Variants in UST observed in about 807,000 individuals in gnomAD.
UST encodes chondroitin sulfate 2-O-sulfotransferase.
UST carries 21 observed loss-of-function variants against 45.6 expected under a neutral mutation model. That is an observed-to-expected ratio of 0.46 (90% CI 0.33 to 0.66). The LOEUF is 0.66. UST is among the 30% of genes least tolerant of loss of function. The pLI, the probability that UST is intolerant of heterozygous loss-of-function variation, is 0.02. For synonymous variants in UST, 215 were observed against 200.6 expected (o/e 1.07, Z -0.61); for missense variants, 463 against 512.4 (o/e 0.90, Z 0.93).
chr6:148,856,490 G>A (rs1026370037), intron 1 of UST, among the ~76,000 whole-genome samples: 2 of 152,202 alleles, frequency 1.3e-5, no homozygotes, highest in South Asian at 2.1e-4. Flanking sequence ...ACAGCCACAG[G>A]TGATAGTGTA....
chr6:148,973,319 A>T (rs1287421072), intron 5 of UST, among the ~76,000 whole-genome samples: 1 of 152,264 alleles, frequency 6.6e-6, no homozygotes, highest in East Asian at 1.9e-4. Context: ...ACAGTAAAAC[A>T]GAATGAGCAC....
intron 1 of UST, among the ~76,000 whole-genome samples, chr6:148,842,663 T>G (rs1264853676): frequency 6.6e-6 from 1 of 152,222 alleles, no homozygotes; most frequent in African/African-American, 2.4e-5. Context: ...ATTTAAACCA[T>G]GTACTGCTTT....
At chr6:148,867,769 A>T (rs1300492854) in intron 1 of UST, among the ~76,000 whole-genome samples, 1 of 152,182 alleles carries the variant, frequency 6.6e-6, no homozygotes, top group African/African-American at 2.4e-5. Context: ...TTTATAAATT[A>T]TCCAGTCTCA....
intron 2 of UST, among the ~76,000 whole-genome samples, chr6:148,923,260 A>G (rs1779750199): frequency 6.6e-6 from 1 of 152,240 alleles, no homozygotes; most frequent in South Asian, 2.1e-4. Context: ...ATATTTCAAT[A>G]CAAGACTTTG....
Position 148,953,963 on chromosome 6 carries a change from T to C in UST, c.527+12T>C. 2 of 1,584,984 alleles carry C rather than the reference T, an allele frequency of 1.3e-6. No homozygotes were observed. Among genetic ancestry groups the C allele is most frequent in the Non-Finnish European group, 1.7e-6 (2 of 1,161,816 alleles). ...CTCAACTTCTCAAGGTAAGACATTT[T>C]CCAGTTTAATGGTTCTTTCATTTTC... On this transcript the variant is annotated intron_variant, in intron 4 of 7. Coordinates refer to ENST00000367463, the MANE Select transcript of UST (RefSeq NM_005715.3).
intron 2 of UST, among the ~76,000 whole-genome samples, chr6:148,893,559 C>G (rs1457013183): frequency 2.0e-5 from 3 of 152,190 alleles, no homozygotes; most frequent in African/African-American, 7.2e-5. Context: ...CTGATAGATT[C>G]TTAAGTCTAA....
At chr6:149,000,696 A>G (rs535143654) in intron 5 of UST, among the ~76,000 whole-genome samples, 93 of 152,354 alleles carry the variant, frequency 6.1e-4, no homozygotes, top group African/African-American at 2.2e-3. Flanking sequence ...TTGAAAAGAC[A>G]AAAGAATGAA....
chr6:148,926,591 C>T (rs187103130), intron 2 of UST, among the ~76,000 whole-genome samples: 58 of 152,262 alleles, frequency 3.8e-4, no homozygotes, highest in Admixed American at 2.0e-3. Flanking sequence ...CAACTCTAGG[C>T]GTGGTGTCTG....
Position 149,058,395 on chromosome 6 carries a change from G to A in UST, c.938-15438G>A, listed in dbSNP as rs183431577. 7.7e-4 allele frequency among the ~76,000 whole-genome samples: 117 copies of A among 151,438 alleles called. 1 individual carries two copies. Among genetic ancestry groups the A allele is most frequent in the African/African-American group, 1.2e-3 (49 of 41,250 alleles). On this transcript the variant is annotated intron_variant, in intron 7 of 7. Transcript: ENST00000367463. The stretch of plus-strand genomic sequence containing the variant: ...TGTGTGTGTGTGTGTGTGTATGTGC[G>A]CGCGCGTGTGTCTGTGTGTAAGAGA...
At chr6:148,867,602 A>T (rs1778469304) in intron 1 of UST, among the ~76,000 whole-genome samples, 1 of 152,074 alleles carries the variant, frequency 6.6e-6, no homozygotes, top group African/African-American at 2.4e-5. Flanking sequence ...GTAGTGAATA[A>T]GTCTCGTGAG....
intron 2 of UST, among the ~76,000 whole-genome samples, chr6:148,908,083 A>G (rs1779401147): frequency 6.6e-6 from 1 of 151,644 alleles, no homozygotes; most frequent in Non-Finnish European, 1.5e-5. Context: ...TAATTTTTGT[A>G]TTTTTAGTAG....
chr6:148,785,008 C>G (rs1562256864), intron 1 of UST, among the ~76,000 whole-genome samples: 1 of 152,098 alleles, frequency 6.6e-6, no homozygotes, highest in African/African-American at 2.4e-5. Context: ...TCAGGAGTTG[C>G]AACCAGTCTG....
intron 1 of UST, among the ~76,000 whole-genome samples, chr6:148,799,605 C>T (rs952212372): frequency 6.6e-6 from 1 of 152,096 alleles, no homozygotes; most frequent in African/African-American, 2.4e-5. Flanking sequence ...CCTTTTTTAT[C>T]TGCACTTAGG....
intron 1 of UST, among the ~76,000 whole-genome samples, chr6:148,831,216 T>C (rs1777682304): frequency 6.6e-6 from 1 of 152,198 alleles, no homozygotes; most frequent in African/African-American, 2.4e-5. Context: ...CGCAGCCACA[T>C]ACCAGCATCT....
intron 1 of UST, among the ~76,000 whole-genome samples, chr6:148,828,419 CA>C (rs1777613613): frequency 6.6e-6 from 1 of 152,040 alleles, no homozygotes; most frequent in Non-Finnish European, 1.5e-5. Context: ...CTAGTTATAG[CA>C]GTATAATATT....
At position 149,009,560 on chromosome 6, in the gene UST, AACAC is replaced by A. The variant is rs113280120; in HGVS notation, c.682-9559_682-9556del. On this transcript the variant is annotated intron_variant, in intron 5 of 7. Coordinates refer to ENST00000367463, the MANE Select transcript of UST (RefSeq NM_005715.3). ...AGCACACAATCTTCTCTGATGTTAA[AACAC>A]ACACACACACACACACACATAGACA... Among the ~76,000 whole-genome samples the A allele has an allele frequency of 2.0e-3, 286 of 143,134 alleles. 1 individual carries two copies. Among genetic ancestry groups the A allele is most frequent in the African/African-American group, 6.7e-3 (267 of 39,890 alleles). The allele number at this position is 143,134 out of a possible 152,430, so 93.9% of individuals were successfully genotyped here. A position where few individuals can be genotyped will look rare whatever the true frequency, so the allele number is the denominator to read the frequency against.
intron 5 of UST, among the ~76,000 whole-genome samples, chr6:148,976,433 C>T (rs1373006123): frequency 6.6e-6 from 1 of 152,168 alleles, no homozygotes; most frequent in Non-Finnish European, 1.5e-5. Flanking sequence ...AGCACATTTC[C>T]AATTCATACT....
At chr6:149,030,264 C>A (rs1428518553) in intron 7 of UST, among the ~76,000 whole-genome samples, 2 of 152,166 alleles carry the variant, frequency 1.3e-5, no homozygotes, top group Non-Finnish European at 2.9e-5. Flanking sequence ...CTCTAAAACT[C>A]TTCTTTATAT....
intron 1 of UST, among the ~76,000 whole-genome samples, chr6:148,784,515 A>G (rs1222087244): frequency 1.3e-5 from 2 of 152,258 alleles, no homozygotes; most frequent in Non-Finnish European, 2.9e-5. Flanking sequence ...AAGGGAAGCT[A>G]TATCAGGCAA....
Sources: gnomAD v4.1 joint callset for allele counts (sites outside exome capture counted in the v4.1 genomes callset) on GRCh38, gnomAD v4.1.1 for gene constraint, MANE v1.5 for transcripts, NCBI Gene and HGNC (gene_info 2026-07-23, HGNC 2026-07-21) for gene names.